The following PCDHGA4 variants were observed in gnomAD, a reference collection of about 807,000 sequenced individuals.
PCDHGA4 encodes the protein protocadherin gamma subfamily A, 4.
Under a neutral mutation model 54.6 loss-of-function variants are expected in PCDHGA4, and 38 were observed. That is an observed-to-expected ratio of 0.70 (90% CI 0.54 to 0.91). PCDHGA4 has a LOEUF of 0.91. PCDHGA4 is among the 40% of genes least tolerant of loss of function. The pLI, the probability that PCDHGA4 is intolerant of heterozygous loss-of-function variation, is 0.00. For missense variants in PCDHGA4, 1,298 were observed against 1,220.9 expected (o/e 1.06, Z -0.94); for synonymous variants, 511 against 512.9 (o/e 1.00, Z 0.05).
chr5:141,359,347 A>G (rs1267627880), intron 1 of PCDHGA4, among the ~76,000 whole-genome samples: 1 of 152,148 alleles, frequency 6.6e-6, no homozygotes, highest in African/African-American at 2.4e-5. Flanking sequence ...AGAGTGCCAC[A>G]TGTTTTAAAG....
intron 1 of PCDHGA4, among the ~76,000 whole-genome samples, chr5:141,494,199 G>A (rs1033914239): frequency 1.3e-5 from 2 of 152,160 alleles, no homozygotes; most frequent in South Asian, 2.1e-4. Context: ...TGGATGCCCC[G>A]CAAAGGCCCA....
intron 1 of PCDHGA4, chr5:141,395,043 G>A: frequency 6.2e-7 from 1 of 1,614,150 alleles, no homozygotes. Flanking sequence ...TGTGGGTGTT[G>A]AGGAGGTACA....
At chr5:141,362,842 G>A (rs914236612) in intron 1 of PCDHGA4, among the ~76,000 whole-genome samples, 18 of 152,134 alleles carry the variant, frequency 1.2e-4, no homozygotes, top group Admixed American at 8.5e-4. Context: ...TGAGACTTTA[G>A]GCAATTAGTT....
At chr5:141,504,450 T>C (rs931613781) in intron 2 of PCDHGA4, among the ~76,000 whole-genome samples, 1 of 151,918 alleles carries the variant, frequency 6.6e-6, no homozygotes, top group Non-Finnish European at 1.5e-5. Context: ...ACTAGTGCCA[T>C]GTGGGGCAGC....
rs1561745511 is a variant in PCDHGA4 at position 141,413,844 on chromosome 5, C to T, written c.2514+56223C>T. The stretch of plus-strand genomic sequence containing the variant: ...TCCTCACCGCCTCCGACGGGGGTGA[C>T]CCTCTCCGATCTGGCACTGTCCTTG... On this transcript the variant is annotated intron_variant, in intron 1 of 3. Transcript: ENST00000571252. The T allele has an allele frequency of 5.6e-6, 9 of 1,613,254 alleles. No homozygotes were observed. The East Asian group carries it at 6.7e-5, about 12-fold the overall frequency.
At position 141,486,408 on chromosome 5, in the gene PCDHGA4, C is replaced by G; in HGVS notation, c.2515-8399C>G. The G allele has an allele frequency of 1.2e-6, 2 of 1,614,156 alleles. No homozygotes were observed. The highest frequency in any genetic ancestry group is 1.7e-6 in the Non-Finnish European group (2 of 1,180,014). Reference sequence around the variant, plus strand: ...CAGTTCTCCCTGGTGACTGCTGGACCCTTGGATCGAGAGGCCAAATCTAGC... The same window carrying G: ...CAGTTCTCCCTGGTGACTGCTGGACGCTTGGATCGAGAGGCCAAATCTAGC... On this transcript the variant is annotated intron_variant, in intron 1 of 3. Transcript: ENST00000571252. This position sits in a 1 kb window ranked among gnomAD's most constrained non-coding sequence, Gnocchi z 5.0.
chr5:141,400,538 A>C (rs994052728), intron 1 of PCDHGA4: 5 of 1,613,662 alleles, frequency 3.1e-6, no homozygotes, highest in Non-Finnish European at 4.2e-6. Context: ...AGTTTCATTT[A>C]TGTCTATTCT....
intron 1 of PCDHGA4, chr5:141,384,886 G>T: frequency 6.2e-7 from 1 of 1,613,822 alleles, no homozygotes. Context: ...ACTCACCGTG[G>T]CTGTGGCTGA....
chr5:141,372,442 A>T, intron 1 of PCDHGA4: 1 of 1,613,914 alleles, frequency 6.2e-7, no homozygotes, highest in South Asian at 1.1e-5. Flanking sequence ...ACTCCCTCTG[A>T]CCCTCAGGCG....
chr5:141,428,154 T>C, intron 1 of PCDHGA4: 2 of 1,578,924 alleles, frequency 1.3e-6, no homozygotes, highest in Non-Finnish European at 1.7e-6. Flanking sequence ...CACGGGAACC[T>C]GCTGGTTGCT....
rs966319513 is a variant in PCDHGA4 at position 141,366,126 on chromosome 5, G to A, written c.2514+8505G>A. 6 of 1,614,214 alleles carry A rather than the reference G, an allele frequency of 3.7e-6. No homozygotes were observed. The South Asian group carries it at 5.5e-5, about 15-fold the overall frequency. Reference sequence around the variant, plus strand: ...GTGGTAGCGGTGGACAAAGATTCAGGCCAGAACGCCTGGCTGTCCTACCGC... The same window carrying A: ...GTGGTAGCGGTGGACAAAGATTCAGACCAGAACGCCTGGCTGTCCTACCGC... On this transcript the variant is annotated intron_variant, in intron 1 of 3. Transcript: ENST00000571252.
At chr5:141,370,501 C>T in intron 1 of PCDHGA4, 1 of 1,613,952 alleles carries the variant, frequency 6.2e-7, no homozygotes, top group Non-Finnish European at 8.5e-7. Flanking sequence ...ATCCGCTACG[C>T]TATTCCCGAG....
intron 1 of PCDHGA4, among the ~76,000 whole-genome samples, chr5:141,448,855 G>A (rs2098611434): frequency 6.6e-6 from 1 of 152,172 alleles, no homozygotes. Context: ...TGAGGCAGGA[G>A]AATGGCGTGA....
intron 1 of PCDHGA4, among the ~76,000 whole-genome samples, chr5:141,482,799 C>T (rs933003208): frequency 6.6e-6 from 1 of 152,086 alleles, no homozygotes; most frequent in Non-Finnish European, 1.5e-5. Flanking sequence ...TGGCCGGGTA[C>T]GGTGGCTCAT....
rs1759842814 is a variant in PCDHGA4 at position 141,355,407 on chromosome 5, AG to A, written c.302del (p.Gly101ValfsTer8). ...AGCGCGGAGTCCGCATCGTCTCCAG[AG>A]GTAGGACGCAGCTTTTCGCCCTGAA... is the stretch of plus-strand genomic sequence containing the variant. ...AERGVRIVSR[G>X]RTQLFALNPR... On this transcript the variant is annotated frameshift_variant, in exon 1 of 4. Coordinates refer to ENST00000571252, the MANE Select transcript of PCDHGA4 (RefSeq NM_018917.4). LOFTEE classifies it high-confidence loss of function. 6.2e-7 allele frequency: 1 copy of A among 1,614,050 alleles called. No homozygotes were observed. The highest frequency in any genetic ancestry group is 8.5e-7 in the Non-Finnish European group (1 of 1,179,920).
intron 1 of PCDHGA4, among the ~76,000 whole-genome samples, chr5:141,435,732 C>T (rs2097777160): frequency 6.6e-6 from 1 of 152,150 alleles, no homozygotes; most frequent in South Asian, 2.1e-4. Flanking sequence ...AAGTGTATTA[C>T]TCTTTGAAAA....
chr5:141,476,190 C>T lies in PCDHGA4; in HGVS notation c.2515-18617C>T. On this transcript the variant is annotated intron_variant, in intron 1 of 3. Transcript: ENST00000571252. The surrounding 1 kb of genome is among the most constrained non-coding windows in gnomAD (Gnocchi z 7.6). ...GTGGGAGTTTTGCTTCTGCTTGGTG[C>T]CTTGAACAAGGCTTCCACGGTCATT... is the stretch of plus-strand genomic sequence containing the variant. 3.1e-6 allele frequency: 5 copies of T among 1,613,694 alleles called. No individual in the cohort carries two copies. The highest frequency in any genetic ancestry group is 4.2e-6 in the Non-Finnish European group (5 of 1,179,988).
At chr5:141,412,479 T>G (rs1282087411) in intron 1 of PCDHGA4, 1 of 152,180 alleles carries the variant, frequency 6.6e-6, no homozygotes, top group African/African-American at 2.4e-5. Context: ...TTTAAAAACC[T>G]CTTACACAAT....
intron 1 of PCDHGA4, among the ~76,000 whole-genome samples, chr5:141,387,359 C>A (rs2150333777): frequency 6.6e-6 from 1 of 152,208 alleles, no homozygotes; most frequent in East Asian, 1.9e-4. Flanking sequence ...TAGGCCAAGT[C>A]TGTGTTATGG....
Sources: allele counts gnomAD v4.1 joint callset (sites outside exome capture counted in the v4.1 genomes callset), GRCh38; gene constraint gnomAD v4.1.1; non-coding constraint Gnocchi (gnomAD v3.1); transcripts MANE v1.5; gene names NCBI Gene and HGNC (gene_info 2026-07-23, HGNC 2026-07-21).